The following NALCN variants were observed in gnomAD, a reference collection of about 807,000 sequenced individuals.
The protein encoded by NALCN is sodium leak channel, non-selective.
Under a neutral mutation model 225.3 loss-of-function variants are expected in NALCN, and 111 were observed. The ratio of observed to expected loss-of-function variants is 0.49; its 90% CI spans 0.42 to 0.58. The LOEUF (loss-of-function observed/expected upper bound fraction) is 0.58, where lower values mean the gene tolerates loss of function less well. Among genes scored for constraint, NALCN ranks in the 20% least tolerant of loss-of-function variants. The pLI is 0.00. For synonymous variants in NALCN, 764 were observed against 769.0 expected, an observed-to-expected ratio of 0.99 and a Z score of 0.11; for missense variants, 1,378 against 2,202.4, an observed-to-expected ratio of 0.63 and a Z score of 7.49.
At chr13:101,096,657 A>G (rs527390269) in intron 27 of NALCN, among the ~76,000 whole-genome samples, 4 of 152,262 alleles carry the variant, frequency 2.6e-5, no homozygotes, top group Middle Eastern at 3.4e-3. Flanking sequence ...CGTGTATACA[A>G]CTCTATGAAT....
At chr13:101,287,197 A>C (rs1217180750) in intron 9 of NALCN, among the ~76,000 whole-genome samples, 1 of 152,206 alleles carries the variant, frequency 6.6e-6, no homozygotes, top group African/African-American at 2.4e-5. Context: ...TTTTGGATAC[A>C]TATTGCCAAA....
At position 101,128,730 on chromosome 13, in the gene NALCN, A is replaced by ATT. The variant is rs11290264; in HGVS notation, c.2119-4051_2119-4050dup. On this transcript the variant is annotated intron_variant, in intron 17 of 43. Coordinates refer to ENST00000251127, the MANE Select transcript of NALCN (RefSeq NM_052867.4). ...GTGCCATCACATATAGCTAAGTAAC[A>ATT]TTTTTTTTTTTTTAAGAGATGGGGT... Among the ~76,000 whole-genome samples, 45 of 145,824 alleles carry ATT rather than the reference A, an allele frequency of 3.1e-4. 1 individual carries two copies. Among genetic ancestry groups the ATT allele is most frequent in the Admixed American group, 1.9e-3 (28 of 14,640 alleles).
intron 11 of NALCN, among the ~76,000 whole-genome samples, chr13:101,253,999 T>G (rs1237877441): frequency 6.6e-6 from 1 of 152,234 alleles, no homozygotes; most frequent in Non-Finnish European, 1.5e-5. Context: ...CTTTGTCTCA[T>G]GTATAAGTTT....
intron 18 of NALCN, among the ~76,000 whole-genome samples, chr13:101,114,696 C>T (rs1426276906): frequency 6.6e-6 from 1 of 152,182 alleles, no homozygotes; most frequent in Non-Finnish European, 1.5e-5. Context: ...GCCCAGATTC[C>T]TGACTAAAAC....
chr13:101,081,389 C>A, intron 34 of NALCN, 138 bp downstream of exon 34: 3 of 1,249,580 alleles, frequency 2.4e-6, no homozygotes, highest in Non-Finnish European at 3.3e-6. Context: ...CCATCACAGT[C>A]AAAGCTGGGC....
At position 101,281,684 on chromosome 13, in the gene NALCN, A is replaced by G. The variant is rs563645907; in HGVS notation, c.1134+2249T>C. On this transcript the variant is annotated intron_variant, in intron 10 of 43. Coordinates refer to ENST00000251127, the MANE Select transcript of NALCN (RefSeq NM_052867.4). Reference sequence around the variant, plus strand: ...AAATAACTAACAATAAACAAAATGAAAAGGCAGTCTATGGAACAGGGGAAA... The same window carrying G: ...AAATAACTAACAATAAACAAAATGAGAAGGCAGTCTATGGAACAGGGGAAA... 1.1e-4 allele frequency among the ~76,000 whole-genome samples: 16 copies of G among 152,334 alleles called. No homozygotes were observed. In the South Asian group the frequency reaches 2.7e-3, roughly 26 times the overall value.
intron 37 of NALCN, among the ~76,000 whole-genome samples, chr13:101,069,539 A>G (rs1189506222): frequency 6.6e-6 from 1 of 152,182 alleles, no homozygotes; most frequent in Non-Finnish European, 1.5e-5. Context: ...TGGCTGCTGA[A>G]GGTTGGGGTG....
intron 20 of NALCN, among the ~76,000 whole-genome samples, chr13:101,109,901 T>C (rs760334778): frequency 3.9e-5 from 6 of 152,172 alleles, no homozygotes; most frequent in Non-Finnish European, 5.9e-5. Flanking sequence ...TTACTTTACA[T>C]TATAAAGCAA....
intron 6 of NALCN, among the ~76,000 whole-genome samples, chr13:101,347,512 G>T (rs187515780): frequency 6.6e-6 from 1 of 152,220 alleles, no homozygotes; most frequent in Non-Finnish European, 1.5e-5. Context: ...ATTCATCTTT[G>T]CTTCAGTCTG....
At chr13:101,389,093 T>A (rs2047071049) in intron 3 of NALCN, among the ~76,000 whole-genome samples, 1 of 152,234 alleles carries the variant, frequency 6.6e-6, no homozygotes, top group African/African-American at 2.4e-5. Flanking sequence ...TCTGAACCTA[T>A]GCTTATCTAA....
chr13:101,075,182 G>A (rs1448473495), intron 35 of NALCN, among the ~76,000 whole-genome samples: 1 of 152,096 alleles, frequency 6.6e-6, no homozygotes, highest in Admixed American at 6.5e-5. Context: ...AAAGGAAACA[G>A]CATTGTAAAA....
intron 6 of NALCN, among the ~76,000 whole-genome samples, chr13:101,363,369 T>C (rs1288388446): frequency 6.6e-6 from 1 of 152,066 alleles, no homozygotes; most frequent in East Asian, 1.9e-4. Context: ...CAAACCAGCA[T>C]GGTACTGGTA....
At chr13:101,267,617 C>T (rs1047544767) in intron 10 of NALCN, among the ~76,000 whole-genome samples, 1 of 152,218 alleles carries the variant, frequency 6.6e-6, no homozygotes, top group Non-Finnish European at 1.5e-5. Flanking sequence ...ACCACATCAA[C>T]CCTGCAGCCT....
chr13:101,173,117 C>T (rs992471365), intron 15 of NALCN, among the ~76,000 whole-genome samples: 12 of 152,170 alleles, frequency 7.9e-5, no homozygotes, highest in African/African-American at 2.7e-4. Flanking sequence ...ACTCCAGTGG[C>T]TCTGATTAGA....
intron 43 of NALCN, among the ~76,000 whole-genome samples, chr13:101,056,717 A>AACTT (rs2031313490): frequency 6.6e-6 from 1 of 152,282 alleles, no homozygotes; most frequent in South Asian, 2.1e-4. Flanking sequence ...ACACCACGGT[A>AACTT]ACTTCCTCCA....
At chr13:101,294,560 C>CTTTTT (rs10615640) in intron 7 of NALCN, among the ~76,000 whole-genome samples, 13 of 87,824 alleles carry the variant, frequency 1.5e-4, no homozygotes, top group East Asian at 3.8e-4. Context: ...TTTATTGTTT[C>CTTTTT]TTTTTTTTTT....
At chr13:101,213,278 C>A (rs2040597317) in intron 13 of NALCN, among the ~76,000 whole-genome samples, 2 of 152,234 alleles carry the variant, frequency 1.3e-5, no homozygotes, top group African/African-American at 4.8e-5. Flanking sequence ...CTTCCTTACA[C>A]CTTATACAAA....
intron 11 of NALCN, among the ~76,000 whole-genome samples, chr13:101,244,353 T>C (rs1265428670): frequency 6.6e-6 from 1 of 152,224 alleles, no homozygotes; most frequent in Admixed American, 6.5e-5. Context: ...GCATAATTTA[T>C]AGTAAAATAT....
At chr13:101,273,141 G>A (rs1262553461) in intron 10 of NALCN, among the ~76,000 whole-genome samples, 1 of 152,170 alleles carries the variant, frequency 6.6e-6, no homozygotes, top group African/African-American at 2.4e-5. Context: ...GAGCACGGGG[G>A]TGTGTTGGAA....
Sources: allele counts gnomAD v4.1 joint callset (sites outside exome capture counted in the v4.1 genomes callset), GRCh38; gene constraint gnomAD v4.1.1; transcripts MANE v1.5; gene names NCBI Gene and HGNC (gene_info 2026-07-23, HGNC 2026-07-21).